Variants in PTPN14 observed in about 807,000 individuals in gnomAD.
PTPN14 encodes protein tyrosine phosphatase non-receptor type 14.
PTPN14 carries 53 observed loss-of-function variants against 126.8 expected under a neutral mutation model. The observed-to-expected ratio is 0.42, with a 90% CI of 0.34 to 0.53. The LOEUF (loss-of-function observed/expected upper bound fraction) is 0.53, where lower values mean the gene tolerates loss of function less well. Among genes scored for constraint, PTPN14 ranks in the 20% least tolerant of loss-of-function variants. The pLI is 0.08. For synonymous variants in PTPN14, 630 were observed against 599.3 expected, an observed-to-expected ratio of 1.05 and a Z score of -0.75; for missense variants, 1,257 against 1,552.9, an observed-to-expected ratio of 0.81 and a Z score of 3.20.
chr1:214,520,065 A>AAAAAAAAAAAAATATATAT, intron 1 of PTPN14, among the ~76,000 whole-genome samples: 1 of 71,140 alleles, frequency 1.4e-5, no homozygotes, highest in African/African-American at 7.3e-5. Flanking sequence ...AAAAAAAAAA[A>AAAAAAAAAAAAATATATAT]ATATATATAT....
intron 3 of PTPN14, among the ~76,000 whole-genome samples, chr1:214,436,854 A>C (rs892813641): frequency 2.0e-5 from 3 of 151,088 alleles, no homozygotes; most frequent in Non-Finnish European, 4.4e-5. Flanking sequence ...ATGCTTTTCA[A>C]GTACTCTTAA....
At chr1:214,460,865 A>T (rs147043132) in intron 2 of PTPN14, among the ~76,000 whole-genome samples, 128 of 152,290 alleles carry the variant, frequency 8.4e-4, no homozygotes, top group Middle Eastern at 3.4e-3. Context: ...ATCCTTCTGA[A>T]AGCCATGTTA....
intron 13 of PTPN14, among the ~76,000 whole-genome samples, chr1:214,379,748 G>A (rs1658429620): frequency 6.6e-6 from 1 of 152,224 alleles, no homozygotes; most frequent in Admixed American, 6.5e-5. Flanking sequence ...TGACGTGGAA[G>A]CCCCCTCCCT....
chr1:214,543,388 G>A (rs1655889671), intron 1 of PTPN14, among the ~76,000 whole-genome samples: 1 of 152,054 alleles, frequency 6.6e-6, no homozygotes. Flanking sequence ...ACCATAGTAT[G>A]AGTAACTTCA....
In PTPN14 at chr1:214,376,297, G is replaced by T. The variant is rs1658340851; in HGVS notation, c.2829C>A (p.Val943=). 3.1e-6 allele frequency: 5 copies of T among 1,614,068 alleles called. No homozygotes were observed. In the Admixed American group the frequency reaches 5.0e-5, roughly 16 times the overall value. The change falls in exon 15 of 19, where the codon GTC becomes GTA. Residue 943 remains valine, a synonymous_variant. Transcript: ENST00000366956. ...GCTCTACTCGATTCTCCTCATAGGG[G>T]ACAACTTCACGGATTCGGCTGCGCT... The part of the protein sequence containing the change: ...NAERSRIREV[V]PYEENRVELI...
intron 5 of PTPN14, among the ~76,000 whole-genome samples, chr1:214,405,253 C>T (rs1179402273): frequency 6.6e-6 from 1 of 152,208 alleles, no homozygotes; most frequent in Non-Finnish European, 1.5e-5. Flanking sequence ...GCCTTTTGAA[C>T]TACCTCTTCC....
intron 1 of PTPN14, among the ~76,000 whole-genome samples, chr1:214,539,410 T>C (rs1655785220): frequency 1.3e-5 from 2 of 152,154 alleles, no homozygotes; most frequent in Admixed American, 6.6e-5. Context: ...AGTTTTATCA[T>C]CTACAAATGA....
At chr1:214,436,509 A>T (rs1659919250) in intron 3 of PTPN14, among the ~76,000 whole-genome samples, 1 of 152,202 alleles carries the variant, frequency 6.6e-6, no homozygotes, top group African/African-American at 2.4e-5. Flanking sequence ...GGTTAAAGAC[A>T]GTTAGGGCTG....
In PTPN14 at chr1:214,384,575, G is replaced by A; in HGVS notation, c.1280C>T (p.Pro427Leu). ...GATGATCGCGCTGTGCCGGTGGCTCGGGATGTAGTCGGCCCGCATGATGTC... is the reference window on the plus strand; with the variant it reads ...GATGATCGCGCTGTGCCGGTGGCTCAGGATGTAGTCGGCCCGCATGATGTC... The part of the protein sequence containing the change: ...GSDIMRADYI[P>L]SHRHSAIIVP... Residue 427 changes from proline (P) to leucine (L), a missense_variant, in exon 13 of 19, where the codon CCG (proline) becomes CTG (leucine). Pro to Leu is a moderately conservative substitution (Grantham distance 98). This residue lies in a region of PTPN14 where 1,021 missense variants were observed against 1,183.3 expected (regional missense o/e 0.86). Transcript: ENST00000366956. This position sits in a 1 kb window ranked among gnomAD's most constrained non-coding sequence, Gnocchi z 5.3. 5.6e-6 allele frequency: 9 copies of A among 1,614,128 alleles called. No individual in the cohort carries two copies. In the East Asian group the frequency reaches 1.3e-4, roughly 24 times the overall value.
rs1210967219 is a variant in PTPN14 at position 214,409,269 on chromosome 1, C to T, written c.510+2415G>A. 2.0e-5 allele frequency among the ~76,000 whole-genome samples: 3 copies of T among 152,230 alleles called. No individual in the cohort carries two copies. In the East Asian group the frequency reaches 5.8e-4, roughly 29 times the overall value. ...CTCAGCTTTGGTAACCACCATTCCA[C>T]TCTCTACATCTATAAGTTCAACTTC... On this transcript the variant is annotated intron_variant, in intron 5 of 18. Coordinates refer to ENST00000366956, the MANE Select transcript of PTPN14 (RefSeq NM_005401.5).
At position 214,383,979 on chromosome 1, in the gene PTPN14, C is replaced by T. The variant is rs762664405; in HGVS notation, c.1876G>A (p.Glu626Lys). Residue 626 changes from glutamate to lysine, a missense_variant, in exon 13 of 19, where the codon GAG becomes AAG. Glu to Lys is a moderately conservative substitution (Grantham distance 56, BLOSUM62 1). This residue lies in a region of PTPN14 where 1,021 missense variants were observed against 1,183.3 expected (regional missense o/e 0.86). Coordinates refer to ENST00000366956, the MANE Select transcript of PTPN14 (RefSeq NM_005401.5). This position sits in a 1 kb window ranked among gnomAD's most constrained non-coding sequence, Gnocchi z 4.4. The part of the protein sequence containing the change: ...VVHQSLQEVS[E>K]PLTATKHHGT... The stretch of plus-strand genomic sequence containing the variant: ...TGGTGCTTGGTGGCCGTGAGGGGCT[C>T]GCTCACCTCCTGGAGAGACTGATGA... 4.3e-6 allele frequency: 7 copies of T among 1,610,888 alleles called. No individual in the cohort carries two copies. In the South Asian group the frequency reaches 4.4e-5, roughly 10 times the overall value.
chr1:214,416,862 GT>G (rs892603532), intron 3 of PTPN14, among the ~76,000 whole-genome samples: 9 of 152,160 alleles, frequency 5.9e-5, no homozygotes, highest in Non-Finnish European at 4.4e-5. Flanking sequence ...GACAACAGGA[GT>G]TGAAATTCTA....
At chr1:214,533,777 C>T (rs1023723735) in intron 1 of PTPN14, among the ~76,000 whole-genome samples, 6 of 148,072 alleles carry the variant, frequency 4.1e-5, no homozygotes, top group Non-Finnish European at 8.9e-5. Context: ...GCGGAGCTTG[C>T]AGTGAGCCGA....
intron 1 of PTPN14, among the ~76,000 whole-genome samples, chr1:214,507,298 C>T (rs1333392484): frequency 6.6e-6 from 1 of 152,170 alleles, no homozygotes; most frequent in Non-Finnish European, 1.5e-5. Context: ...ATCTCCACTA[C>T]CATGCCCCAC....
At chr1:214,438,279 C>G (rs562699549) in intron 3 of PTPN14, among the ~76,000 whole-genome samples, 40 of 152,306 alleles carry the variant, frequency 2.6e-4, no homozygotes, top group Non-Finnish European at 5.4e-4. Context: ...CCGCTTTATC[C>G]TGTCTCCTTG....
At chr1:214,541,457 C>T (rs568319381) in intron 1 of PTPN14, among the ~76,000 whole-genome samples, 1 of 152,286 alleles carries the variant, frequency 6.6e-6, no homozygotes, top group South Asian at 2.1e-4. Context: ...CCTTCCCTCC[C>T]ACATCCCTGA....
At chr1:214,362,804 G>A (rs934131100) in intron 18 of PTPN14, among the ~76,000 whole-genome samples, 2 of 152,150 alleles carry the variant, frequency 1.3e-5, no homozygotes, top group African/African-American at 4.8e-5. Context: ...GGAGTTTGAG[G>A]CCAGCCTGGG....
At chr1:214,367,083 G>A (rs2102514009) in intron 17 of PTPN14, among the ~76,000 whole-genome samples, 1 of 152,026 alleles carries the variant, frequency 6.6e-6, no homozygotes, top group Non-Finnish European at 1.5e-5. Context: ...TGCCTTATAA[G>A]CTCACTCTTT....
chr1:214,394,747 G>C, intron 9 of PTPN14, 152 bp downstream of exon 9: 1 of 725,500 alleles, frequency 1.4e-6, no homozygotes, highest in South Asian at 1.6e-5. Context: ...CCTGGAATGA[G>C]TAATGACAGC....
Sources: allele counts gnomAD v4.1 joint callset (sites outside exome capture counted in the v4.1 genomes callset), GRCh38; gene constraint gnomAD v4.1.1; regional missense constraint gnomAD v4.1.1; non-coding constraint Gnocchi (gnomAD v3.1); transcripts MANE v1.5; gene names NCBI Gene and HGNC (gene_info 2026-07-23, HGNC 2026-07-21).